The following SNX8 variants were observed in gnomAD, a reference collection of about 807,000 sequenced individuals.
SNX8 encodes sorting nexin-8.
A neutral mutation model predicts 51.6 loss-of-function variants in SNX8; 25 were observed. That is an observed-to-expected ratio of 0.48 (90% CI 0.35 to 0.68). SNX8 has a LOEUF of 0.68. SNX8 is among the 30% of genes least tolerant of loss of function. The pLI is 0.00. For synonymous variants in SNX8, 324 were observed against 277.0 expected (o/e 1.17, Z -1.68); for missense variants, 695 against 624.0 (o/e 1.11, Z -1.21).
At chr7:2,296,079 T>C (rs762161674) in intron 1 of SNX8, among the ~76,000 whole-genome samples, 1 of 152,204 alleles carries the variant, frequency 6.6e-6, no homozygotes, top group Non-Finnish European at 1.5e-5. Flanking sequence ...TGTTTCCATG[T>C]GAATTTTTGG....
intron 6 of SNX8, 69 bp from the exon 7 acceptor site, chr7:2,263,431 A>G: frequency 6.8e-7 from 1 of 1,471,270 alleles, no homozygotes; most frequent in Non-Finnish European, 9.2e-7. Context: ...CGAGTCTGGC[A>G]TCCCCCCCGA....
At chr7:2,264,260 A>AC (rs748046217) in intron 6 of SNX8, 38 bp downstream of exon 6, 1 of 1,582,472 alleles carries the variant, frequency 6.3e-7, no homozygotes, top group East Asian at 2.3e-5. Context: ...TTCCCGTCCC[A>AC]CCGCGCGTGC....
intron 2 of SNX8, among the ~76,000 whole-genome samples, chr7:2,277,342 A>G (rs543540882): frequency 3.9e-5 from 6 of 152,340 alleles, no homozygotes; most frequent in African/African-American, 1.4e-4. Context: ...AAAGGGGATT[A>G]GAGTGACACA....
At chr7:2,269,451 A>G (rs1795586416) in intron 5 of SNX8, 108 bp downstream of exon 5, 2 of 536,828 alleles carry the variant, frequency 3.7e-6, no homozygotes, top group Admixed American at 3.7e-5. Flanking sequence ...CCTTCCCTCC[A>G]CTATTGTCCC....
At chr7:2,266,896 G>A (rs1273305091) in intron 5 of SNX8, among the ~76,000 whole-genome samples, 1 of 152,124 alleles carries the variant, frequency 6.6e-6, no homozygotes, top group Admixed American at 6.5e-5. Flanking sequence ...TTTGGAAAAA[G>A]ACCAAACTTT....
chr7:2,265,693 C>G (rs1016353907), intron 5 of SNX8, among the ~76,000 whole-genome samples: 1 of 152,094 alleles, frequency 6.6e-6, no homozygotes, highest in Non-Finnish European at 1.5e-5. Flanking sequence ...AACATAAATT[C>G]CTGAAAGACT....
At chr7:2,264,047 G>GA (rs1795403269) in intron 6 of SNX8, among the ~76,000 whole-genome samples, 2 of 151,982 alleles carry the variant, frequency 1.3e-5, no homozygotes, top group African/African-American at 4.8e-5. Context: ...TCCTGACAGT[G>GA]AAAAAACTAC....
At chr7:2,314,525 C>T (rs1269530780), upstream of SNX8, 14 of 1,072,228 alleles carry the variant, frequency 1.3e-5, no homozygotes, top group East Asian at 1.0e-4. Context: ...CACGCCCCCT[C>T]CCCCGCGCGC....
intron 5 of SNX8, among the ~76,000 whole-genome samples, chr7:2,265,869 T>TG (rs778387271): frequency 3.4e-4 from 52 of 152,018 alleles, no homozygotes; most frequent in Admixed American, 1.2e-3. Context: ...CCCAGTACTT[T>TG]GGGGGGCCAT....
chr7:2,327,862 T>G (rs911892364), intron 1 of SNX8, among the ~76,000 whole-genome samples: 9 of 151,734 alleles, frequency 5.9e-5, no homozygotes, highest in Non-Finnish European at 1.3e-4. Context: ...TTTTTCTTAT[T>G]TCCTTTTTTT....
intron 4 of SNX8, among the ~76,000 whole-genome samples, chr7:2,270,312 T>TAAAAAA (rs1562429109): frequency 3.5e-4 from 1 of 2,898 alleles, no homozygotes; most frequent in African/African-American, 7.2e-4. Context: ...ACTCTCATTT[T>TAAAAAA]ACAAAAAAAA....
chr7:2,312,362 A>C (rs541169536), intron 1 of SNX8, among the ~76,000 whole-genome samples: 4 of 152,126 alleles, frequency 2.6e-5, no homozygotes, highest in Non-Finnish European at 4.4e-5. Flanking sequence ...ATTGCTTTAC[A>C]AGCTGAGATA....
At chr7:2,292,512 C>T (rs1411856319) in intron 1 of SNX8, among the ~76,000 whole-genome samples, 4 of 151,584 alleles carry the variant, frequency 2.6e-5, no homozygotes, top group South Asian at 2.1e-4. Flanking sequence ...CCCAGGTTCA[C>T]GCCATTCTCC....
At chr7:2,281,805 C>T (rs999163621) in intron 1 of SNX8, among the ~76,000 whole-genome samples, 2 of 152,196 alleles carry the variant, frequency 1.3e-5, no homozygotes, top group Non-Finnish European at 2.9e-5. Flanking sequence ...ACGCAGCCGC[C>T]TCTGAGCTTA....
At chr7:2,327,911 G>T (rs555748986) in intron 1 of SNX8, among the ~76,000 whole-genome samples, 20 of 152,172 alleles carry the variant, frequency 1.3e-4, no homozygotes, top group African/African-American at 4.8e-4. Flanking sequence ...CACCCAGGCT[G>T]GAGTGCAGCG....
intron 7 of SNX8, among the ~76,000 whole-genome samples, chr7:2,259,256 A>C (rs1380683726): frequency 6.6e-6 from 1 of 152,188 alleles, no homozygotes; most frequent in Non-Finnish European, 1.5e-5. Flanking sequence ...GGCCGATGGC[A>C]GGTATCCTGG....
intron 1 of SNX8, among the ~76,000 whole-genome samples, chr7:2,335,128 G>A (rs752612111): frequency 6.7e-5 from 10 of 150,076 alleles, no homozygotes; most frequent in African/African-American, 9.8e-5. Context: ...CCCTGAAGGC[G>A]GAGTTTGCAG....
intron 1 of SNX8, among the ~76,000 whole-genome samples, chr7:2,337,714 G>C (rs1160894250): frequency 1.3e-5 from 2 of 151,504 alleles, no homozygotes; most frequent in African/African-American, 4.9e-5. Context: ...TTAGCTCAGG[G>C]TCAATTTTAG....
At chr7:2,337,051 T>C in intron 1 of SNX8, 1 of 150,628 alleles carries the variant, frequency 6.6e-6, no homozygotes, top group East Asian at 2.0e-4. Context: ...TTGCCTATTG[T>C]GGAGGAGGGC....
Sources: gnomAD v4.1 joint callset for allele counts (sites outside exome capture counted in the v4.1 genomes callset) on GRCh38, gnomAD v4.1.1 for gene constraint, MANE v1.5 for transcripts, NCBI Gene and HGNC (gene_info 2026-07-23, HGNC 2026-07-21) for gene names.